GGCX: variants seen among roughly 807,000 people sequenced by gnomAD.
GGCX encodes the protein vitamin K-dependent gamma-carboxylase.
A neutral mutation model predicts 88.5 loss-of-function variants in GGCX; 63 were observed. The ratio of observed to expected loss-of-function variants is 0.71; its 90% confidence interval spans 0.58 to 0.88. The LOEUF is 0.88. Among genes scored for constraint, GGCX ranks in the 40% least tolerant of loss-of-function variants. The pLI, the probability that GGCX is intolerant of heterozygous loss-of-function variation, is 0.00. For synonymous variants in GGCX, 368 were observed against 365.8 expected (o/e 1.01, Z -0.07); for missense variants, 805 against 932.9 (o/e 0.86, Z 1.79).
rs895326012 is a variant in GGCX at position 85,546,758 on chromosome 2, G to C, written c.*3176C>G. 1 of 152,192 alleles carries C rather than the reference G, an allele frequency of 6.6e-6. No individual in the cohort carries two copies. The highest frequency in any genetic ancestry group is 6.5e-5 in the Admixed American group (1 of 15,274). 9.4% of individuals were successfully genotyped at this position (152,192 alleles called of 1,614,324 possible). ...GGAGGGCAAGGTTAAAACCTATGCA[G>C]GTGTGTCAATTAGACTTGTTCCAAC... On this transcript the variant is annotated 3_prime_UTR_variant, in exon 15 of 15. Coordinates refer to ENST00000233838, the MANE Select transcript of GGCX (RefSeq NM_000821.7).
rs1330486216 is a variant in GGCX at position 85,547,369 on chromosome 2, A to G, written c.*2565T>C. ...TTTAGAATGGCTACAGTTGCAACCC[A>G]ACTCTACCCCACTGAACAGCTTTTA... is the stretch of plus-strand genomic sequence containing the variant. On this transcript the variant is annotated 3_prime_UTR_variant, in exon 15 of 15. Transcript: ENST00000233838. 2.0e-5 allele frequency: 3 copies of G among 152,188 alleles called. No homozygotes were observed. Among genetic ancestry groups the G allele is most frequent in the Non-Finnish European group, 4.4e-5 (3 of 68,028 alleles). The allele number at this position is 152,188 out of a possible 1,614,324, so 9.4% of individuals were successfully genotyped here.
chr2:85,552,472 A>G lies in GGCX; in HGVS notation c.1383T>C (p.Thr461=), dbSNP rs1169808135. 17 of 1,613,896 alleles carry G rather than the reference A, an allele frequency of 1.1e-5. No individual in the cohort carries two copies. The highest frequency in any genetic ancestry group is 1.4e-5 in the Non-Finnish European group (17 of 1,179,734). ...LSRLLPKYNV[T]EPQIYFDIWV... ...AAATATCAAAGTAGATCTGGGGCTC[A>G]GTGACATTATACTTGGGAAGCAGGC... Residue 461 remains threonine, a synonymous_variant, in exon 10 of 15, where the codon ACT becomes ACC. Transcript: ENST00000233838.
rs895378198 is a variant in GGCX at position 85,546,983 on chromosome 2, T to C, written c.*2951A>G. 1 of 152,196 alleles carries C rather than the reference T, an allele frequency of 6.6e-6. No individual in the cohort carries two copies. Among genetic ancestry groups the C allele is most frequent in the African/African-American group, 2.4e-5 (1 of 41,450 alleles). 9.4% of individuals were successfully genotyped at this position (152,196 alleles called of 1,614,324 possible). ...ACCGCTTTAAGGTTATGTTCAGTAT[T>C]TGCTAAGTAAACAAAGATTCCCCAA... On this transcript the variant is annotated 3_prime_UTR_variant, in exon 15 of 15. Transcript: ENST00000233838.
intron 4 of GGCX, among the ~76,000 whole-genome samples, chr2:85,556,959 C>T (rs559401894): frequency 6.4e-4 from 98 of 152,308 alleles, no homozygotes; most frequent in Non-Finnish European, 1.1e-3. Flanking sequence ...TAATACTTAG[C>T]TTCTTTATCT....
Position 85,554,236 on chromosome 2 carries a change from C to T in GGCX, c.796G>A (p.Ala266Thr), listed in dbSNP as rs763052194. 1 of 1,613,606 alleles carries T rather than the reference C, an allele frequency of 6.2e-7. No homozygotes were observed. Among genetic ancestry groups the T allele is most frequent in the South Asian group, 1.1e-5 (1 of 91,084 alleles). Residue 266 changes from alanine to threonine, a missense_variant, in exon 7 of 15, where the codon GCT (alanine) becomes ACT (threonine). This residue lies in a region of GGCX where 680 missense variants were observed against 763.7 expected (regional missense o/e 0.89). Coordinates refer to ENST00000233838, the MANE Select transcript of GGCX (RefSeq NM_000821.7). ...ACATCAAAAAAGAGCAGGAAACCAG[C>T]TGAGAGGTCAAGCAGCAGCCCACCC... The part of the protein sequence containing the change: ...HWGGLLLDLS[A>T]GFLLFFDVSR...
At chr2:85,553,104 T>C (rs1293849326) in intron 8 of GGCX, 34 bp from the exon 9 acceptor site, 1 of 1,614,126 alleles carries the variant, frequency 6.2e-7, no homozygotes, top group Non-Finnish European at 8.5e-7. Flanking sequence ...ATCAGCTCAA[T>C]GCTTCTCACA....
chr2:85,545,901 G>A lies in GGCX; in HGVS notation c.*4033C>T, dbSNP rs953939458. The A allele has an allele frequency of 1.3e-5, 2 of 152,194 alleles. No individual in the cohort carries two copies. The highest frequency in any genetic ancestry group is 2.9e-5 in the Non-Finnish European group (2 of 68,036). 9.4% of individuals were successfully genotyped at this position (152,194 alleles called of 1,614,324 possible). ...TTGCAGAGATAAATAATGCAAATTA[G>A]CTGAAAATGCTATAAATTTCCAAAG... On this transcript the variant is annotated 3_prime_UTR_variant, in exon 15 of 15. Transcript: ENST00000233838.
intron 7 of GGCX, chr2:85,553,703 G>A (rs756911576): frequency 8.2e-5 from 47 of 571,598 alleles, no homozygotes; most frequent in Non-Finnish European, 1.3e-4. Context: ...GGGTTCAAGC[G>A]ATTCTCTTGC....
At chr2:85,551,751 G>A in intron 11 of GGCX, 61 bp downstream of exon 11, 3 of 1,572,044 alleles carry the variant, frequency 1.9e-6, no homozygotes, top group Non-Finnish European at 2.6e-6. Context: ...CACATGGAAT[G>A]TCCCTGGCCA....
intron 4 of GGCX, among the ~76,000 whole-genome samples, chr2:85,556,817 CAAG>C (rs1045877805): frequency 2.6e-4 from 40 of 152,302 alleles, no homozygotes; most frequent in African/African-American, 8.7e-4. Flanking sequence ...AGCAAGTTTT[CAAG>C]AAGTAGAAGC....
At position 85,558,511 on chromosome 2, in the gene GGCX, T is replaced by A; in HGVS notation, c.468A>T (p.Ser156=). The change falls in exon 4 of 15, where the codon TCA becomes TCT. Residue 156 remains serine, a synonymous_variant. Transcript: ENST00000233838. Reference sequence around the variant, plus strand: ...CATACAGATAGGAGTGGTTGTTCCATGATGTCTTGTCCAGGAGAAACACAT... The same window carrying A: ...CATACAGATAGGAGTGGTTGTTCCAAGATGTCTTGTCCAGGAGAAACACAT... The part of the protein sequence containing the change: ...YWYVFLLDKT[S]WNNHSYLYGL... 9 of 1,613,614 alleles carry A rather than the reference T, an allele frequency of 5.6e-6. No individual in the cohort carries two copies. The highest frequency in any genetic ancestry group is 6.8e-6 in the Non-Finnish European group (8 of 1,179,522).
chr2:85,559,222 T>G (rs1254105654), intron 2 of GGCX, 147 bp from the exon 3 acceptor site: 1 of 736,874 alleles, frequency 1.4e-6, no homozygotes, highest in Admixed American at 2.0e-5. Context: ...AATTATTGAG[T>G]GCCTACTCTG....
At chr2:85,558,862 C>T in intron 3 of GGCX, 55 bp downstream of exon 3, 1 of 1,508,970 alleles carries the variant, frequency 6.6e-7, no homozygotes, top group Non-Finnish European at 9.2e-7. Context: ...CACCAGCATG[C>T]TTCTATTTCT....
At position 85,550,569 on chromosome 2, in the gene GGCX, A is replaced by G. The variant is rs765574258; in HGVS notation, c.2070T>C (p.Tyr690=). The G allele has an allele frequency of 1.7e-5, 28 of 1,612,618 alleles. No individual in the cohort carries two copies. The highest frequency in any genetic ancestry group is 2.3e-5 in the Non-Finnish European group (27 of 1,178,690). ...TGTGAACTTACCTGCGGCGAAAGAC[A>G]TAGAGCTTTCGCAACAAGAAGCGGA... ...RFFRFLLRKL[Y]VFRRSFLMTC... is the part of the protein sequence containing the mutation. Residue 690 remains tyrosine, a synonymous_variant, in exon 14 of 15, where the codon TAT becomes TAC. Transcript: ENST00000233838.
Position 85,554,269 on chromosome 2 carries a change from C to T in GGCX, c.763G>A (p.Val255Met), listed in dbSNP as rs121909683. 212 of 1,613,752 alleles carry T rather than the reference C, an allele frequency of 1.3e-4. No homozygotes were observed. Among genetic ancestry groups the T allele is most frequent in the Non-Finnish European group, 1.7e-4 (200 of 1,179,772 alleles). Residue 255 changes from valine (V) to methionine (M), a missense_variant, in exon 7 of 15, where the codon GTG (valine) becomes ATG (methionine). Transcript: ENST00000233838. ...TCAAGCAGCAGCCCACCCCAGTGCA[C>T]GACCAGCAGGCTAGTCAGCTCCTCA... The part of the protein sequence containing the change: ...LSEELTSLLV[V>M]HWGGLLLDLS...
At position 85,552,995 on chromosome 2, in the gene GGCX, C is replaced by T. The variant is rs201007172; in HGVS notation, c.1231G>A (p.Val411Met). 1.1e-5 allele frequency: 18 copies of T among 1,614,016 alleles called. No individual in the cohort carries two copies. The highest frequency in any genetic ancestry group is 7.7e-5 in the South Asian group (7 of 91,086). Residue 411 changes from valine to methionine, a missense_variant, in exon 9 of 15, where the codon GTG becomes ATG. Physicochemically the swap from Val to Met is conservative, Grantham distance 21 (BLOSUM62 1). This residue lies in a region of GGCX where 680 missense variants were observed against 763.7 expected (regional missense o/e 0.89). Transcript: ENST00000233838. Reference protein sequence around the residue: ...MMVHSRSHQHVKITYRDGRTG... With the variant: ...MMVHSRSHQHMKITYRDGRTG... The stretch of plus-strand genomic sequence containing the variant: ...CGGCCATCACGGTAGGTGATCTTCA[C>T]GTGCTGGTGGGAGCGGGAGTGCACC...
rs779769047 is a variant in GGCX, at chr2:85,551,550, T to C, written c.1670A>G (p.Gln557Arg). The change falls in exon 12 of 15, where the codon CAG becomes CGG. Residue 557 changes from glutamine to arginine, a missense_variant. Coordinates refer to ENST00000233838, the MANE Select transcript of GGCX (RefSeq NM_000821.7). Reference protein sequence around the residue: ...DLGNTSIQLLQGEVTVELVAE... With the variant: ...DLGNTSIQLLRGEVTVELVAE... The stretch of plus-strand genomic sequence containing the variant: ...CACAAGCTCCACAGTCACTTCCCCC[T>C]GCAGCAGCTGGATGCTAGTGTTGCC... 1.2e-6 allele frequency: 2 copies of C among 1,613,732 alleles called. No individual in the cohort carries two copies. The highest frequency in any genetic ancestry group is 3.3e-5 in the Admixed American group (2 of 60,002).
chr2:85,553,560 C>T (rs2103966967), intron 7 of GGCX, 63 bp from the exon 8 acceptor site: 3 of 1,483,826 alleles, frequency 2.0e-6, no homozygotes, highest in African/African-American at 2.8e-5. Context: ...AACCCCGTTC[C>T]CTTAGGAGAC....
intron 7 of GGCX, 24 bp from the exon 8 acceptor site, chr2:85,553,521 A>G (rs371183467): frequency 8.1e-6 from 13 of 1,612,006 alleles, no homozygotes; most frequent in African/African-American, 8.0e-5. Flanking sequence ...GAGAAAATAC[A>G]TATTTCAGGA....
Sources: gnomAD v4.1 joint callset for allele counts (sites outside exome capture counted in the v4.1 genomes callset) on GRCh38, gnomAD v4.1.1 for gene constraint, gnomAD v4.1.1 regional missense constraint, MANE v1.5 for transcripts, NCBI Gene and HGNC (gene_info 2026-07-23, HGNC 2026-07-21) for gene names.